Variants in EBF1 observed in about 807,000 individuals in gnomAD.
The protein encoded by EBF1 is EBF transcription factor 1.
EBF1 carries 10 observed loss-of-function variants against 68.4 expected under a neutral mutation model. The ratio of observed to expected loss-of-function variants is 0.15; its 90% CI spans 0.09 to 0.25. EBF1 has a LOEUF of 0.25. Among genes scored for constraint, EBF1 ranks in the 10% least tolerant of loss-of-function variants. The pLI is 1.00. For synonymous variants in EBF1, 298 were observed against 299.8 expected, an observed-to-expected ratio of 0.99 and a Z score of 0.06; for missense variants, 509 against 794.4, an observed-to-expected ratio of 0.64 and a Z score of 4.32.
At chr5:159,042,887 T>C (rs914047012) in intron 6 of EBF1, among the ~76,000 whole-genome samples, 3 of 151,296 alleles carry the variant, frequency 2.0e-5, no homozygotes, top group Non-Finnish European at 4.4e-5. Flanking sequence ...AAAAGTTAAA[T>C]AGGATGTCAT....
chr5:158,755,911 T>C (rs758552728), intron 10 of EBF1, among the ~76,000 whole-genome samples: 4 of 152,134 alleles, frequency 2.6e-5, no homozygotes, highest in Non-Finnish European at 4.4e-5. Flanking sequence ...ATAGTGTAGA[T>C]AAAGACATCT....
intron 6 of EBF1, among the ~76,000 whole-genome samples, chr5:159,044,129 A>C (rs566670208): frequency 6.6e-6 from 1 of 152,310 alleles, no homozygotes; most frequent in Non-Finnish European, 1.5e-5. Flanking sequence ...TCTAAAAATG[A>C]TGTTCTGTGT....
intron 10 of EBF1, among the ~76,000 whole-genome samples, chr5:158,772,736 A>G (rs994945927): frequency 6.6e-6 from 1 of 152,174 alleles, no homozygotes. Context: ...GACAAGGATG[A>G]TAAACAATCC....
At chr5:159,051,026 T>C (rs779816194) in intron 6 of EBF1, among the ~76,000 whole-genome samples, 2 of 152,054 alleles carry the variant, frequency 1.3e-5, no homozygotes, top group Non-Finnish European at 2.9e-5. Flanking sequence ...ATTATACGAA[T>C]GTTAGGAAGG....
chr5:159,078,510 C>A (rs1237312421), intron 5 of EBF1, among the ~76,000 whole-genome samples: 1 of 152,218 alleles, frequency 6.6e-6, no homozygotes, highest in Non-Finnish European at 1.5e-5. Flanking sequence ...GTTCAAAGCA[C>A]TATTTTTTAG....
At position 158,713,041 on chromosome 5, in the gene EBF1, A is replaced by G; in HGVS notation, c.1298T>C (p.Met433Thr). The G allele has an allele frequency of 6.3e-7, 1 of 1,589,934 alleles. No homozygotes were observed. The highest frequency in any genetic ancestry group is 8.6e-7 in the Non-Finnish European group (1 of 1,165,996). Residue 433 changes from methionine (M) to threonine (T), a missense_variant, in exon 13 of 16, where the codon ATG becomes ACG. Met to Thr is a moderately conservative substitution (Grantham distance 81). This residue lies in a region of EBF1 where 205 missense variants were observed against 247.4 expected (regional missense o/e 0.83). Coordinates refer to ENST00000313708, the MANE Select transcript of EBF1 (RefSeq NM_024007.5). ...TCCACTGAACGAATTCACGCCCATC[A>G]TCCCTGCGTGGACCGAGGTGTTAGC... The part of the protein sequence containing the change: ...ALANTSVHAG[M>T]MGVNSFSGQL...
chr5:159,062,973 C>T (rs1421840597), intron 6 of EBF1, among the ~76,000 whole-genome samples: 1 of 152,196 alleles, frequency 6.6e-6, no homozygotes, highest in Admixed American at 6.5e-5. Context: ...TTTTATCTTA[C>T]ATTTTCTGTT....
chr5:158,962,329 C>T (rs1818334877), intron 6 of EBF1, among the ~76,000 whole-genome samples: 1 of 151,984 alleles, frequency 6.6e-6, no homozygotes, highest in African/African-American at 2.4e-5. Flanking sequence ...GAAACCAAGC[C>T]AATAACATAA....
At chr5:158,995,678 G>A (rs1761258599) in intron 6 of EBF1, among the ~76,000 whole-genome samples, 1 of 152,042 alleles carries the variant, frequency 6.6e-6, no homozygotes, top group Non-Finnish European at 1.5e-5. Context: ...CTTCTTACAG[G>A]GTCATTGTAA....
intron 6 of EBF1, among the ~76,000 whole-genome samples, chr5:158,990,178 C>G (rs959076227): frequency 6.6e-6 from 1 of 152,102 alleles, no homozygotes; most frequent in African/African-American, 2.4e-5. Context: ...GCATAAAGAA[C>G]GCAGAGAAAC....
intron 9 of EBF1, among the ~76,000 whole-genome samples, chr5:158,778,662 G>A (rs1775798358): frequency 6.6e-6 from 1 of 152,132 alleles, no homozygotes; most frequent in Non-Finnish European, 1.5e-5. Context: ...TCCCTGACTG[G>A]ATAAACTGTT....
intron 6 of EBF1, among the ~76,000 whole-genome samples, chr5:158,853,823 A>G (rs1166966901): frequency 2.6e-5 from 4 of 152,178 alleles, no homozygotes; most frequent in Admixed American, 6.5e-5. Flanking sequence ...CAGAATTGCT[A>G]TTAACTTTCA....
intron 6 of EBF1, among the ~76,000 whole-genome samples, chr5:159,065,143 T>G (rs1350924056): frequency 6.6e-6 from 1 of 151,804 alleles, no homozygotes; most frequent in Non-Finnish European, 1.5e-5. Context: ...GTGGGGAAAA[T>G]CTCAGTAGTT....
At chr5:159,044,360 C>T (rs1241731544) in intron 6 of EBF1, among the ~76,000 whole-genome samples, 3 of 152,018 alleles carry the variant, frequency 2.0e-5, no homozygotes, top group African/African-American at 4.8e-5. Flanking sequence ...TGGGGGTTGT[C>T]GCTATTGTTG....
At chr5:158,747,077 A>G (rs190271872) in intron 10 of EBF1, among the ~76,000 whole-genome samples, 5 of 152,298 alleles carry the variant, frequency 3.3e-5, no homozygotes, top group Non-Finnish European at 7.4e-5. Context: ...TACTCAATCA[A>G]CTTCAGAACT....
At chr5:158,829,170 A>G (rs1786895179) in intron 7 of EBF1, among the ~76,000 whole-genome samples, 1 of 152,108 alleles carries the variant, frequency 6.6e-6, no homozygotes, top group East Asian at 1.9e-4. Flanking sequence ...ACTCTAGTGT[A>G]AACTTTAAAT....
chr5:158,766,471 T>C (rs1396201902), intron 10 of EBF1, among the ~76,000 whole-genome samples: 1 of 152,184 alleles, frequency 6.6e-6, no homozygotes, highest in Non-Finnish European at 1.5e-5. Context: ...ATTAGACATG[T>C]ACAAGTAACA....
intron 6 of EBF1, among the ~76,000 whole-genome samples, chr5:159,055,299 A>G (rs1421365094): frequency 6.6e-6 from 1 of 152,238 alleles, no homozygotes; most frequent in Non-Finnish European, 1.5e-5. Flanking sequence ...TGAGAGAGGT[A>G]ACCTTAAAGA....
chr5:158,700,503 T>A (rs1216659910), intron 15 of EBF1, among the ~76,000 whole-genome samples: 1 of 149,670 alleles, frequency 6.7e-6, no homozygotes, highest in Admixed American at 6.6e-5. Context: ...TCTGGAAGAA[T>A]GTGCCTTTAA....
Sources: gnomAD v4.1 joint callset for allele counts (sites outside exome capture counted in the v4.1 genomes callset) on GRCh38, gnomAD v4.1.1 for gene constraint, gnomAD v4.1.1 regional missense constraint, MANE v1.5 for transcripts, NCBI Gene and HGNC (gene_info 2026-07-23, HGNC 2026-07-21) for gene names.